The following TRAPPC8 variants were observed in gnomAD, a reference collection of about 807,000 sequenced individuals.
TRAPPC8 encodes the protein general sporulation gene 1 homolog.
A neutral mutation model predicts 174.3 loss-of-function variants in TRAPPC8; 54 were observed. The observed-to-expected ratio is 0.31, with a 90% CI of 0.25 to 0.39. The LOEUF (loss-of-function observed/expected upper bound fraction) is 0.39, where lower values mean the gene tolerates loss of function less well. Among genes scored for constraint, TRAPPC8 ranks in the 10% least tolerant of loss-of-function variants. The pLI is 1.00. For missense variants in TRAPPC8, 1,531 were observed against 1,699.1 expected (o/e 0.90, Z 1.74); for synonymous variants, 630 against 579.9 (o/e 1.09, Z -1.24).
chr18:31,920,548 C>T (rs1314243795), intron 2 of TRAPPC8, among the ~76,000 whole-genome samples: 1 of 152,048 alleles, frequency 6.6e-6, no homozygotes, highest in East Asian at 1.9e-4. Flanking sequence ...TGCCTGTAAT[C>T]CTAGCACTTT....
At position 31,909,746 on chromosome 18, in the gene TRAPPC8, A is replaced by G; in HGVS notation, c.786T>C (p.Asp262=). The change falls in exon 6 of 29, where the codon GAT becomes GAC. Residue 262 remains aspartate, a synonymous_variant. Transcript: ENST00000283351. ...TATTTGAAGTTATAGTACAAGGGCC[A>G]TCTTCATATGATTCCTATCAAAATA... ...NSIQNQESYE[D]GPCTITSNKN... 6.3e-7 allele frequency: 1 copy of G among 1,585,760 alleles called. No individual in the cohort carries two copies. The highest frequency in any genetic ancestry group is 8.6e-7 in the Non-Finnish European group (1 of 1,168,958).
chr18:31,834,707 A>G (rs983779022), intron 27 of TRAPPC8, among the ~76,000 whole-genome samples: 2 of 152,182 alleles, frequency 1.3e-5, no homozygotes, highest in Non-Finnish European at 1.5e-5. Flanking sequence ...ATTATTTAAT[A>G]TAACAATTTA....
At chr18:31,921,870 T>C (rs1347532448) in intron 2 of TRAPPC8, among the ~76,000 whole-genome samples, 1 of 152,216 alleles carries the variant, frequency 6.6e-6, no homozygotes, top group Non-Finnish European at 1.5e-5. Flanking sequence ...ATTCAATATG[T>C]TTATGTCACT....
chr18:31,888,896 C>T (rs1183450806), intron 12 of TRAPPC8, among the ~76,000 whole-genome samples: 1 of 152,154 alleles, frequency 6.6e-6, no homozygotes, highest in African/African-American at 2.4e-5. Flanking sequence ...GCACATCCTG[C>T]ACATGTACAC....
chr18:31,899,343 T>A (rs1189828610), intron 10 of TRAPPC8, among the ~76,000 whole-genome samples: 4 of 152,236 alleles, frequency 2.6e-5, no homozygotes, highest in African/African-American at 9.6e-5. Context: ...TAAGACTAAA[T>A]GAGCATATAG....
At position 31,887,197 on chromosome 18, in the gene TRAPPC8, G is replaced by T. The variant is rs141890751; in HGVS notation, c.1728+3538C>A. On this transcript the variant is annotated intron_variant, in intron 12 of 28. Transcript: ENST00000283351. Reference sequence around the variant, plus strand: ...AGGATGCAAGGCTGGTTCAACATATGCAAATCAATAAAGGTAATGTATCAC... The same window carrying T: ...AGGATGCAAGGCTGGTTCAACATATTCAAATCAATAAAGGTAATGTATCAC... Among the ~76,000 whole-genome samples, 1,104 of 152,140 alleles carry T rather than the reference G, an allele frequency of 7.3e-3. 15 individuals are homozygous for T. Among genetic ancestry groups the T allele is most frequent in the African/African-American group, 0.026 (1,059 of 41,454 alleles).
chr18:31,885,704 C>CA (rs946291977), intron 12 of TRAPPC8, among the ~76,000 whole-genome samples: 2 of 149,968 alleles, frequency 1.3e-5, no homozygotes, highest in Non-Finnish European at 3.0e-5. Context: ...ACTAAAAATA[C>CA]AAAAAAAAAT....
chr18:31,829,203 G>C lies in TRAPPC8; in HGVS notation c.*1552C>G, dbSNP rs2032228195. On this transcript the variant is annotated 3_prime_UTR_variant, in exon 29 of 29. Transcript: ENST00000283351. ...AGTAATATTCAGGAAGTAATTTTGA[G>C]TGCTTTATTACCTTTATTTTTAATA... 6.6e-6 allele frequency: 1 copy of C among 152,098 alleles called. No homozygotes were observed. The allele number at this position is 152,098 out of a possible 1,614,324, so 9.4% of individuals were successfully genotyped here. A position where few individuals can be genotyped will look rare whatever the true frequency, so the allele number is the denominator to read the frequency against.
chr18:31,871,305 T>C (rs2145200167), intron 14 of TRAPPC8, among the ~76,000 whole-genome samples, 185 bp from the exon 15 acceptor site: 1 of 152,290 alleles, frequency 6.6e-6, no homozygotes, highest in African/African-American at 2.4e-5. Flanking sequence ...CTTATAATAC[T>C]GATGTTCTTT....
At chr18:31,893,362 T>G (rs1232592718) in intron 11 of TRAPPC8, among the ~76,000 whole-genome samples, 1 of 151,222 alleles carries the variant, frequency 6.6e-6, no homozygotes, top group African/African-American at 2.4e-5. Context: ...AAAAGTGCTC[T>G]CCTAGTATTT....
In TRAPPC8 at chr18:31,917,562, A is replaced by G. The variant is rs1209156445; in HGVS notation, c.442+16T>C. Reference sequence around the variant, plus strand: ...ATAATATTTGATTTGAGGAGAACATAAATGTCAAAGGATACATGCTAAATA... The same window carrying G: ...ATAATATTTGATTTGAGGAGAACATGAATGTCAAAGGATACATGCTAAATA... On this transcript the variant is annotated intron_variant, in intron 3 of 28. Transcript: ENST00000283351. The G allele has an allele frequency of 2.4e-5, 39 of 1,594,866 alleles. No individual in the cohort carries two copies. Among genetic ancestry groups the G allele is most frequent in the Non-Finnish European group, 3.3e-5 (39 of 1,171,140 alleles).
intron 1 of TRAPPC8, among the ~76,000 whole-genome samples, chr18:31,938,853 G>A (rs934764260): frequency 5.9e-5 from 9 of 152,092 alleles, no homozygotes; most frequent in African/African-American, 1.9e-4. Flanking sequence ...AGGCCAAGGC[G>A]GGCAGATCAT....
intron 2 of TRAPPC8, among the ~76,000 whole-genome samples, chr18:31,921,605 C>T (rs1431207160): frequency 7.0e-6 from 1 of 142,034 alleles, no homozygotes; most frequent in African/African-American, 2.7e-5. Flanking sequence ...GATGACAGAG[C>T]GAGACTCCGT....
chr18:31,917,792 T>C, intron 2 of TRAPPC8, 125 bp from the exon 3 acceptor site: 1 of 761,210 alleles, frequency 1.3e-6, no homozygotes, highest in Non-Finnish European at 2.2e-6. Flanking sequence ...ACAAGCATTT[T>C]TCACCTGTGC....
chr18:31,851,655 C>T (rs145600307), intron 24 of TRAPPC8, among the ~76,000 whole-genome samples: 134 of 152,066 alleles, frequency 8.8e-4, no homozygotes, highest in Non-Finnish European at 1.7e-3. Context: ...CCACATCTGG[C>T]CCTCTACGTA....
At chr18:31,898,705 T>A (rs1352252398) in intron 10 of TRAPPC8, among the ~76,000 whole-genome samples, 1 of 152,220 alleles carries the variant, frequency 6.6e-6, no homozygotes. Context: ...GTTTTTTTTG[T>A]AAAAACATAA....
chr18:31,858,058 C>CTTTTT, intron 19 of TRAPPC8, 76 bp from the exon 20 acceptor site: 4 of 977,206 alleles, frequency 4.1e-6, no homozygotes, highest in Non-Finnish European at 5.8e-6. Flanking sequence ...CTTTAAGACA[C>CTTTTT]TTTTTTTTTT....
chr18:31,911,735 C>T (rs1304820830), intron 5 of TRAPPC8, among the ~76,000 whole-genome samples: 2 of 112,682 alleles, frequency 1.8e-5, no homozygotes, highest in African/African-American at 7.2e-5. Flanking sequence ...CCGGCCTGGG[C>T]GATAGAGTAA....
In TRAPPC8 at chr18:31,857,724, C is replaced by A. The variant is rs777063794; in HGVS notation, c.3004G>T (p.Val1002Leu). 1 of 1,614,136 alleles carries A rather than the reference C, an allele frequency of 6.2e-7. No homozygotes were observed. The highest frequency in any genetic ancestry group is 2.2e-5 in the East Asian group (1 of 44,870). ...CTTCCTGTGCCAATGCCAAAGTCTA[C>A]AGAAGAAGCTGATGATATGAGTGCT... is the stretch of plus-strand genomic sequence containing the variant. The part of the protein sequence containing the change: ...CTALISSASS[V>L]DFGIGTGSQP... The change falls in exon 20 of 29, where the codon GTA (valine) becomes TTA (leucine). Residue 1002 changes from valine (V) to leucine (L), a missense_variant. Transcript: ENST00000283351.
Sources: gnomAD v4.1 joint callset for allele counts (sites outside exome capture counted in the v4.1 genomes callset) on GRCh38, gnomAD v4.1.1 for gene constraint, MANE v1.5 for transcripts, NCBI Gene and HGNC (gene_info 2026-07-23, HGNC 2026-07-21) for gene names.